PDE4D: variants seen among roughly 807,000 people sequenced by gnomAD.
PDE4D encodes the protein 3',5'-cyclic-AMP phosphodiesterase 4D.
A neutral mutation model predicts 87.4 loss-of-function variants in PDE4D; 24 were observed. The observed-to-expected ratio is 0.27, with a 90% CI of 0.20 to 0.39. The LOEUF (loss-of-function observed/expected upper bound fraction) is 0.39, where lower values mean the gene tolerates loss of function less well. Ranked by LOEUF, PDE4D falls within the 10% of genes least tolerant of loss-of-function variation. The pLI is 1.00. For missense variants in PDE4D, 714 were observed against 1,041.0 expected, an observed-to-expected ratio of 0.69 and a Z score of 4.32; for synonymous variants, 384 against 383.2, an observed-to-expected ratio of 1.00 and a Z score of -0.02.
chr5:59,072,128 C>A (rs548643750), intron 5 of PDE4D, among the ~76,000 whole-genome samples: 3 of 152,114 alleles, frequency 2.0e-5, no homozygotes, highest in Non-Finnish European at 4.4e-5. Flanking sequence ...GCTCTGTTTG[C>A]ATAGGTAAGA....
At position 59,308,295 on chromosome 5, in the gene PDE4D, G is replaced by T. The variant is rs939894480; in HGVS notation, c.456-92327C>A. On this transcript the variant is annotated intron_variant, in intron 1 of 14. Coordinates refer to ENST00000340635, the MANE Select transcript of PDE4D (RefSeq NM_001104631.2). ...GTTAATGGGTGCAGCACACCGGCAT[G>T]GCACATGTACCCTAAAACTTAAAGT... 9.5e-4 allele frequency among the ~76,000 whole-genome samples: 144 copies of T among 151,598 alleles called. 3 individuals carry two copies. Among genetic ancestry groups the T allele is most frequent in the Non-Finnish European group, 8.5e-4 (58 of 67,888 alleles).
At position 59,985,124 on chromosome 5, in the gene PDE4D, G is replaced by GTTTTTTTTTTTTTTTTTTTTTTTTTT. The variant is rs762506771; in HGVS notation, c.272+3363_272+3364insAAAAAAAAAAAAAAAAAAAAAAAAAA. Among the ~76,000 whole-genome samples, 10 of 111,266 alleles carry GTTTTTTTTTTTTTTTTTTTTTTTTTT rather than the reference G, an allele frequency of 9.0e-5. 3 individuals carry two copies. The highest frequency in any genetic ancestry group is 7.5e-5 in the Non-Finnish European group (4 of 53,538). 73.0% of individuals were successfully genotyped at this position (111,266 alleles called of 152,430 possible). A position where few individuals can be genotyped will look rare whatever the true frequency, so the allele number is the denominator to read the frequency against. ...AATATAAGCCCGAACTTCACCTTTC[G>GTTTTTTTTTTTTTTTTTTTTTTTTTT]TTTTTTGTTTTTTGTTTTTTGTTTT... is the stretch of plus-strand genomic sequence containing the variant. On this transcript the variant is annotated intron_variant, in intron 3 of 16. Coordinates refer to the PDE4D transcript ENST00000502484.
At chr5:60,465,321 T>C (rs939356730) in intron 1 of PDE4D, among the ~76,000 whole-genome samples, 2 of 152,096 alleles carry the variant, frequency 1.3e-5, no homozygotes, top group African/African-American at 4.8e-5. Flanking sequence ...CCTAAGTTAG[T>C]TTAAAAGTGA....
chr5:59,735,113 TGAA>T (rs1239251158), intron 1 of PDE4D, among the ~76,000 whole-genome samples: 5 of 152,194 alleles, frequency 3.3e-5, no homozygotes, highest in Non-Finnish European at 5.9e-5. Flanking sequence ...GCCTGTCTCC[TGAA>T]GAAGTTTTGT....
At chr5:60,356,189 C>T (rs1759604703) in intron 1 of PDE4D, among the ~76,000 whole-genome samples, 2 of 152,124 alleles carry the variant, frequency 1.3e-5, no homozygotes, top group Admixed American at 1.3e-4. Context: ...TATCAATCCC[C>T]AGGAACTTCA....
chr5:60,522,013 G>A (rs923034210), intron 1 of PDE4D: 6 of 152,078 alleles, frequency 3.9e-5, no homozygotes, highest in Non-Finnish European at 5.9e-5. Context: ...CAAGCTTCGG[G>A]GGCAAGGGGA....
intron 1 of PDE4D, among the ~76,000 whole-genome samples, chr5:59,247,085 A>G (rs1021128159): frequency 5.3e-5 from 8 of 152,200 alleles, no homozygotes; most frequent in Non-Finnish European, 8.8e-5. Context: ...TTTCAAAATC[A>G]TGTCACATAG....
chr5:59,838,614 CT>C (rs1194942622), intron 1 of PDE4D, among the ~76,000 whole-genome samples: 4 of 152,024 alleles, frequency 2.6e-5, no homozygotes, highest in Non-Finnish European at 5.9e-5. Context: ...TCGTTTAACA[CT>C]TTTTTTCCAT....
At position 59,931,041 on chromosome 5, in the gene PDE4D, C is replaced by A. The variant is rs200024801; in HGVS notation, c.272+57447G>T. 4.6e-5 allele frequency among the ~76,000 whole-genome samples: 3 copies of A among 65,156 alleles called. No homozygotes were observed. The Admixed American group carries it at 5.1e-4, about 11-fold the overall frequency. 42.7% of individuals were successfully genotyped at this position (65,156 alleles called of 152,430 possible). A position where few individuals can be genotyped will look rare whatever the true frequency, so the allele number is the denominator to read the frequency against. ...CCCTTTTGAAAGCTTTCAAGGAAAACAAATACTGCATTGAAAAAAATGTTC... is the reference window on the plus strand; with the variant it reads ...CCCTTTTGAAAGCTTTCAAGGAAAAAAAATACTGCATTGAAAAAAATGTTC... On this transcript the variant is annotated intron_variant, in intron 3 of 16. Transcript: ENST00000502484.
intron 2 of PDE4D, chr5:60,185,448 C>T (rs1357665147): frequency 2.4e-5 from 15 of 624,896 alleles, no homozygotes; most frequent in African/African-American, 5.5e-5. Context: ...GTTGACTAAA[C>T]GTTTCCCACA....
Position 59,053,645 on chromosome 5 carries a change from G to GTTTTTTGT in PDE4D, c.809-14675_809-14674insACAAAAAA, listed in dbSNP as rs1561396071. Among the ~76,000 whole-genome samples, 501 of 68,614 alleles carry GTTTTTTGT rather than the reference G, an allele frequency of 7.3e-3. 14 individuals are homozygous for GTTTTTTGT. In the East Asian group the frequency reaches 0.09, roughly 12 times the overall value. 45.0% of individuals were successfully genotyped at this position (68,614 alleles called of 152,430 possible). A position where few individuals can be genotyped will look rare whatever the true frequency, so the allele number is the denominator to read the frequency against. On this transcript the variant is annotated intron_variant, in intron 5 of 14. Transcript: ENST00000340635. ...TATGAATTAAGTTGTTTTGTTTTTT[G>GTTTTTTGT]TTTTTTTTTGTTGTTGTTTTTTTTT...
At chr5:59,912,541 T>TA (rs1753563478) in intron 3 of PDE4D, among the ~76,000 whole-genome samples, 1 of 152,230 alleles carries the variant, frequency 6.6e-6, no homozygotes, top group Non-Finnish European at 1.5e-5. Context: ...TCTGAAGACT[T>TA]ACGACAATTA....
Position 59,308,785 on chromosome 5 carries a change from A to T in PDE4D, c.456-92817T>A, listed in dbSNP as rs116498537. Among the ~76,000 whole-genome samples the T allele has an allele frequency of 5.9e-3, 900 of 151,940 alleles. 15 individuals are homozygous for T. The highest frequency in any genetic ancestry group is 0.021 in the African/African-American group (851 of 41,440). ...TCCAGAGAGCATCAGCTGTGGTAGT[A>T]TGGGGAGGAACCCTAGAACTCCCAA... On this transcript the variant is annotated intron_variant, in intron 1 of 14. Coordinates refer to ENST00000340635, the MANE Select transcript of PDE4D (RefSeq NM_001104631.2).
chr5:59,333,631 A>G (rs1777126081), intron 1 of PDE4D, among the ~76,000 whole-genome samples: 1 of 152,178 alleles, frequency 6.6e-6, no homozygotes, highest in Non-Finnish European at 1.5e-5. Flanking sequence ...AGCAGTTTTA[A>G]TGCTGCTTAA....
chr5:59,842,882 C>T (rs1229802379), intron 1 of PDE4D, among the ~76,000 whole-genome samples: 1 of 151,956 alleles, frequency 6.6e-6, no homozygotes, highest in African/African-American at 2.4e-5. Context: ...AATGATAAAA[C>T]TAGCATCACA....
rs557609939 is a variant in PDE4D at position 58,974,516 on chromosome 5, C to A, written c.*148G>T. 1 of 650,966 alleles carries A rather than the reference C, an allele frequency of 1.5e-6. No homozygotes were observed. The highest frequency in any genetic ancestry group is 2.7e-5 in the South Asian group (1 of 37,264). The allele number at this position is 650,966 out of a possible 1,614,324, so 40.3% of individuals were successfully genotyped here. A position where few individuals can be genotyped will look rare whatever the true frequency, so the allele number is the denominator to read the frequency against. On this transcript the variant is annotated 3_prime_UTR_variant, in exon 15 of 15. Transcript: ENST00000340635. ...AAAAACTGGTTACGATATTCCTGAG[C>A]GCTGGACTGAGTAGTCAAGGTCAGT...
chr5:59,885,127 C>G (rs1276115225), intron 1 of PDE4D, among the ~76,000 whole-genome samples: 24 of 151,856 alleles, frequency 1.6e-4, no homozygotes, highest in Non-Finnish European at 3.5e-4. Flanking sequence ...TTACTAAACC[C>G]TAAATTTTCA....
intron 1 of PDE4D, among the ~76,000 whole-genome samples, chr5:59,874,508 T>G (rs1402391253): frequency 1.3e-5 from 2 of 152,194 alleles, no homozygotes. Flanking sequence ...TCAAGAGTGA[T>G]GATATTCATT....
At chr5:59,231,512 C>T (rs1755182664) in intron 1 of PDE4D, among the ~76,000 whole-genome samples, 1 of 152,138 alleles carries the variant, frequency 6.6e-6, no homozygotes, top group Non-Finnish European at 1.5e-5. Context: ...TGGGAGAATC[C>T]TGGTCCGTGA....
Sources: allele counts gnomAD v4.1 joint callset (sites outside exome capture counted in the v4.1 genomes callset), GRCh38; gene constraint gnomAD v4.1.1; transcripts MANE v1.5; gene names NCBI Gene and HGNC (gene_info 2026-07-23, HGNC 2026-07-21).